The following MTX3 variants were observed in gnomAD, a reference collection of about 807,000 sequenced individuals.
The protein encoded by MTX3 is metaxin 3, also known as metaxin-3.
A neutral mutation model predicts 42.5 loss-of-function variants in MTX3; 27 were observed. The ratio of observed to expected loss-of-function variants is 0.64; its 90% CI spans 0.47 to 0.88. The LOEUF is 0.88. Ranked by LOEUF, MTX3 falls within the 40% of genes least tolerant of loss-of-function variation. The pLI is 0.00. For missense variants in MTX3, 378 were observed against 367.0 expected, an observed-to-expected ratio of 1.03 and a Z score of -0.25; for synonymous variants, 144 against 132.9, an observed-to-expected ratio of 1.08 and a Z score of -0.57.
chr5:79,984,874 A>AAAGAACACGGTGCTGTTAAT (rs1391931586), intron 8 of MTX3, among the ~76,000 whole-genome samples: 2 of 152,256 alleles, frequency 1.3e-5, no homozygotes, highest in Admixed American at 1.3e-4. Flanking sequence ...GGAAAGAAGA[A>AAAGAACACGGTGCTGTTAAT]AAGAACACGG....
chr5:79,985,943 A>G (rs1368174731), intron 7 of MTX3, among the ~76,000 whole-genome samples: 8 of 150,076 alleles, frequency 5.3e-5, no homozygotes, highest in African/African-American at 2.0e-4. Flanking sequence ...TTTTTTTGAA[A>G]AAAAAAGCAC....
intron 8 of MTX3, among the ~76,000 whole-genome samples, 156 bp downstream of exon 8, chr5:79,985,415 A>G (rs1368101549): frequency 1.3e-5 from 2 of 152,226 alleles, no homozygotes; most frequent in East Asian, 1.9e-4. Flanking sequence ...ACTATGTTAC[A>G]TACAACTTTA....
Position 79,982,084 on chromosome 5 carries a change from T to G in MTX3, c.*1600A>C, listed in dbSNP as rs1831386022. ...ACTGCTGGAATAATAGATTTCAGAT[T>G]GCTGGAATCTAATAATCTGCCTTTG... On this transcript the variant is annotated 3_prime_UTR_variant, in exon 9 of 9. Transcript: ENST00000512528. The G allele has an allele frequency of 5.8e-6, 1 of 171,810 alleles. No individual in the cohort carries two copies. The highest frequency in any genetic ancestry group is 1.3e-5 in the Non-Finnish European group (1 of 79,986). The allele number at this position is 171,810 out of a possible 1,614,324, so 10.6% of individuals were successfully genotyped here. A position where few individuals can be genotyped will look rare whatever the true frequency, so the allele number is the denominator to read the frequency against.
At chr5:79,985,928 T>TA (rs1254196496) in intron 7 of MTX3, among the ~76,000 whole-genome samples, 1 of 117,010 alleles carries the variant, frequency 8.5e-6, no homozygotes, top group Admixed American at 8.9e-5. Context: ...TAATTAGTTT[T>TA]TTTTTTTTTT....
At chr5:79,990,725 G>T (rs1423301908) in intron 1 of MTX3, 62 bp from the exon 2 acceptor site, 1 of 1,222,080 alleles carries the variant, frequency 8.2e-7, no homozygotes, top group South Asian at 1.3e-5. Context: ...CTGCAGAGCA[G>T]CTTTACTTCA....
In MTX3 at chr5:79,982,264, G is replaced by C. The variant is rs1831389756; in HGVS notation, c.*1420C>G. ...TAAAACTTTCAAGAAAAAATATTTA[G>C]AATGACTTAAAGACTCTTGTATAAA... On this transcript the variant is annotated 3_prime_UTR_variant, in exon 9 of 9. Coordinates refer to ENST00000512528, the MANE Select transcript of MTX3 (RefSeq NM_001363818.2). The C allele has an allele frequency of 3.1e-6, 1 of 319,060 alleles. No homozygotes were observed. The highest frequency in any genetic ancestry group is 6.3e-6 in the Non-Finnish European group (1 of 159,170). The allele number at this position is 319,060 out of a possible 1,614,324, so 19.8% of individuals were successfully genotyped here.
intron 3 of MTX3, 137 bp downstream of exon 3, chr5:79,990,023 A>C (rs1831593779): frequency 2.0e-6 from 1 of 493,236 alleles, no homozygotes; most frequent in African/African-American, 2.0e-5. Flanking sequence ...AGTGATTCTC[A>C]AATCTATTTT....
Position 79,981,685 on chromosome 5 carries a change from T to C in MTX3, c.*1999A>G, listed in dbSNP as rs146544293. 6 of 152,142 alleles carry C rather than the reference T, an allele frequency of 3.9e-5. No individual in the cohort carries two copies. Among genetic ancestry groups the C allele is most frequent in the African/African-American group, 1.4e-4 (6 of 41,462 alleles). The allele number at this position is 152,142 out of a possible 1,614,324, so 9.4% of individuals were successfully genotyped here. On this transcript the variant is annotated 3_prime_UTR_variant, in exon 9 of 9. Transcript: ENST00000512528. Reference sequence around the variant, plus strand: ...CTTTTGACTTTGCCCATGGAGAAACTTGGAGTTAAATTTACTACTTAATTT... The same window carrying C: ...CTTTTGACTTTGCCCATGGAGAAACCTGGAGTTAAATTTACTACTTAATTT...
Position 79,977,174 on chromosome 5 carries a change from T to C in MTX3, c.*6510A>G, listed in dbSNP as rs964574422. ...CCATTTCATAAAATTAAAAATCAAG[T>C]CAGAAGAGAAGTAAAACTCATTTTT... On this transcript the variant is annotated 3_prime_UTR_variant, in exon 9 of 9. Coordinates refer to ENST00000512528, the MANE Select transcript of MTX3 (RefSeq NM_001363818.2). The C allele has an allele frequency of 6.6e-6, 1 of 152,076 alleles. No homozygotes were observed. The highest frequency in any genetic ancestry group is 2.4e-5 in the African/African-American group (1 of 41,412). The allele number at this position is 152,076 out of a possible 1,614,324, so 9.4% of individuals were successfully genotyped here. A position where few individuals can be genotyped will look rare whatever the true frequency, so the allele number is the denominator to read the frequency against.
Position 79,978,512 on chromosome 5 carries a change from C to T in MTX3, c.*5172G>A. ...GGCTGAGGCAGGAGAATCGCTTGAA[C>T]CTGGGAGGCGGAGGTTGTAGTGAGC... On this transcript the variant is annotated 3_prime_UTR_variant, in exon 9 of 9. Transcript: ENST00000512528. 1 of 152,828 alleles carries T rather than the reference C, an allele frequency of 6.5e-6. No homozygotes were observed. The highest frequency in any genetic ancestry group is 1.5e-5 in the Non-Finnish European group (1 of 68,436). 9.5% of individuals were successfully genotyped at this position (152,828 alleles called of 1,614,324 possible).
At chr5:79,990,464 A>G in intron 2 of MTX3, 130 bp downstream of exon 2, 1 of 722,310 alleles carries the variant, frequency 1.4e-6, no homozygotes. Context: ...TGATCAAACC[A>G]TAAACAACAC....
Position 79,977,593 on chromosome 5 carries a change from C to T in MTX3, c.*6091G>A, listed in dbSNP as rs1192317752. The T allele has an allele frequency of 3.3e-5, 5 of 152,306 alleles. No individual in the cohort carries two copies. Among genetic ancestry groups the T allele is most frequent in the African/African-American group, 1.2e-4 (5 of 41,562 alleles). 9.4% of individuals were successfully genotyped at this position (152,306 alleles called of 1,614,324 possible). ...CATTGCAAAGACACACAAAATGCCT[C>T]CTTACACACGATTAGTAATCTGGTT... is the stretch of plus-strand genomic sequence containing the variant. On this transcript the variant is annotated 3_prime_UTR_variant, in exon 9 of 9. Transcript: ENST00000512528.
In MTX3 at chr5:79,981,577, C is replaced by A. The variant is rs1366604644; in HGVS notation, c.*2107G>T. ...TCAGAAGAACATGAGCTCCACGTTCCTGTAAAACTTTAAACACATTTTTCT... is the reference window on the plus strand; with the variant it reads ...TCAGAAGAACATGAGCTCCACGTTCATGTAAAACTTTAAACACATTTTTCT... On this transcript the variant is annotated 3_prime_UTR_variant, in exon 9 of 9. Coordinates refer to ENST00000512528, the MANE Select transcript of MTX3 (RefSeq NM_001363818.2). 2 of 152,132 alleles carry A rather than the reference C, an allele frequency of 1.3e-5. No homozygotes were observed. 9.4% of individuals were successfully genotyped at this position (152,132 alleles called of 1,614,324 possible).
At chr5:79,988,911 C>T (rs1344255241) in intron 4 of MTX3, among the ~76,000 whole-genome samples, 3 of 152,152 alleles carry the variant, frequency 2.0e-5, no homozygotes, top group Admixed American at 1.3e-4. Context: ...CAATTCTATA[C>T]ATGGAGCAAA....
intron 6 of MTX3, among the ~76,000 whole-genome samples, chr5:79,987,981 A>C (rs1326852221): frequency 6.6e-6 from 1 of 152,080 alleles, no homozygotes; most frequent in African/African-American, 2.4e-5. Context: ...ACACGCAGCT[A>C]ATTTTTTGTA....
rs1465578566 is a variant in MTX3 at position 79,988,491 on chromosome 5, G to A, written c.475C>T (p.Leu159Phe). Residue 159 changes from leucine (L) to phenylalanine (F), a missense_variant, in exon 5 of 9, where the codon CTC (leucine) becomes TTC (phenylalanine). Leu to Phe is a conservative substitution (Grantham distance 22). Coordinates refer to ENST00000512528, the MANE Select transcript of MTX3 (RefSeq NM_001363818.2). ...GCTTCCACTTCTCGGAGGTGGTAGA[G>A]GGGAGGCTGTCCTCTGGTCAGGAGA... ...RILLTRGQPP[L>F]YHLREVEAQI... The A allele has an allele frequency of 3.1e-6, 5 of 1,612,574 alleles. No individual in the cohort carries two copies. The highest frequency in any genetic ancestry group is 4.2e-6 in the Non-Finnish European group (5 of 1,179,518).
At position 79,985,659 on chromosome 5, in the gene MTX3, C is replaced by T. The variant is rs1470188521; in HGVS notation, c.740G>A (p.Gly247Asp). ...CGTTTCTTGTCCAGCTGGAGAGATG[C>T]CTAAGAAGCCAGGACAGAAATCAGA... ...LSSYFRLSLG[G>D]ISPAGQETVD... The change falls in exon 8 of 9, where the codon GGC becomes GAC. Residue 247 changes from glycine (G) to aspartate (D), a missense_variant and splice_region_variant. Physicochemically the swap from Gly to Asp is moderately conservative, Grantham distance 94 (BLOSUM62 -1). Coordinates refer to ENST00000512528, the MANE Select transcript of MTX3 (RefSeq NM_001363818.2). The T allele has an allele frequency of 6.2e-7, 1 of 1,606,208 alleles. No individual in the cohort carries two copies. Among genetic ancestry groups the T allele is most frequent in the South Asian group, 1.1e-5 (1 of 90,380 alleles).
chr5:79,988,270 A>G lies in MTX3; in HGVS notation c.550T>C (p.Leu184=), dbSNP rs1443629723. 1 of 1,554,038 alleles carries G rather than the reference A, an allele frequency of 6.4e-7. No homozygotes were observed. The highest frequency in any genetic ancestry group is 1.4e-5 in the African/African-American group (1 of 73,448). ...CCAAAGAAAAACTGAGATGTTCCCA[A>G]TCTGTTTGATAGAAGATTTAGGCAC... ...KECLNLLSNR[L]GTSQFFFGDT... is the part of the protein sequence containing the mutation. The change falls in exon 6 of 9, where the codon TTG becomes CTG. Residue 184 remains leucine, a synonymous_variant. Coordinates refer to ENST00000512528, the MANE Select transcript of MTX3 (RefSeq NM_001363818.2).
chr5:79,990,264 A>G lies in MTX3; in HGVS notation c.152-28T>C, dbSNP rs780932027. 14 of 1,483,394 alleles carry G rather than the reference A, an allele frequency of 9.4e-6. No individual in the cohort carries two copies. In the African/African-American group the frequency reaches 1.8e-4, roughly 19 times the overall value. The allele number at this position is 1,483,394 out of a possible 1,614,324, so 91.9% of individuals were successfully genotyped here. ...ATAATCAAAAAACAGTTTACATACA[A>G]GGACACAGTGTGATTTCCTCTGAGA... On this transcript the variant is annotated intron_variant, in intron 2 of 8. Transcript: ENST00000512528.
Sources: allele counts gnomAD v4.1 joint callset (sites outside exome capture counted in the v4.1 genomes callset), GRCh38; gene constraint gnomAD v4.1.1; transcripts MANE v1.5; gene names NCBI Gene and HGNC (gene_info 2026-07-23, HGNC 2026-07-21).